Variants in BCO1 observed in about 807,000 individuals in gnomAD.
BCO1 encodes the protein beta-carotene oxygenase 1.
A neutral mutation model predicts 56.3 loss-of-function variants in BCO1; 54 were observed. The ratio of observed to expected loss-of-function variants is 0.96; its 90% CI spans 0.77 to 1.20. The LOEUF is 1.20. Ranked by LOEUF, BCO1 falls within the 50% of genes most tolerant of loss-of-function variation. The pLI is 0.00. For synonymous variants in BCO1, 318 were observed against 266.1 expected, an observed-to-expected ratio of 1.20 and a Z score of -1.90; for missense variants, 801 against 690.9, an observed-to-expected ratio of 1.16 and a Z score of -1.79.
chr16:81,256,116 G>A (rs1906120410), intron 2 of BCO1, among the ~76,000 whole-genome samples: 1 of 147,428 alleles, frequency 6.8e-6, no homozygotes, highest in South Asian at 2.1e-4. Context: ...GCGCATGGCC[G>A]ATTTTTTTTT....
chr16:81,267,589 G>C (rs968266553), intron 5 of BCO1, among the ~76,000 whole-genome samples: 1 of 152,136 alleles, frequency 6.6e-6, no homozygotes, highest in Non-Finnish European at 1.5e-5. Flanking sequence ...TTCCAGTCTG[G>C]GCAGCAGAGG....
At chr16:81,278,425 C>T (rs1051885302) in intron 7 of BCO1, among the ~76,000 whole-genome samples, 5 of 152,110 alleles carry the variant, frequency 3.3e-5, no homozygotes, top group African/African-American at 1.2e-4. Flanking sequence ...TTACAGCCAC[C>T]GTGCAAAACA....
At chr16:81,280,001 G>C (rs944035103) in intron 7 of BCO1, among the ~76,000 whole-genome samples, 2 of 151,882 alleles carry the variant, frequency 1.3e-5, no homozygotes, top group African/African-American at 4.8e-5. Context: ...GGTGGCTCAC[G>C]CCTGTAATCC....
At position 81,280,859 on chromosome 16, in the gene BCO1, T is replaced by A. The variant is rs1198889098; in HGVS notation, c.1104T>A (p.Asn368Lys). ...TTTTGAAAACTGAATTTTTTCAGAA[T>A]GCAGAAGTGGGCACAAATTTAATCA... ...RFAVPLHVDK[N>K]AEVGTNLIKV... The change falls in exon 8 of 11, where the codon AAT (asparagine) becomes AAA (lysine). Residue 368 changes from asparagine (N) to lysine (K), a missense_variant and splice_region_variant. Physicochemically the swap from Asn to Lys is moderately conservative, Grantham distance 94 (BLOSUM62 0). Coordinates refer to ENST00000258168, the MANE Select transcript of BCO1 (RefSeq NM_017429.3). 4 of 1,612,140 alleles carry A rather than the reference T, an allele frequency of 2.5e-6. No homozygotes were observed. Among genetic ancestry groups the A allele is most frequent in the Non-Finnish European group, 3.4e-6 (4 of 1,178,228 alleles).
intron 1 of BCO1, among the ~76,000 whole-genome samples, chr16:81,243,949 G>C (rs1288579965): frequency 6.6e-6 from 1 of 152,216 alleles, no homozygotes; most frequent in Non-Finnish European, 1.5e-5. Context: ...AAATCCTCTG[G>C]GTATGACGTA....
At chr16:81,267,479 G>T (rs1276793727) in intron 5 of BCO1, among the ~76,000 whole-genome samples, 1 of 152,190 alleles carries the variant, frequency 6.6e-6, no homozygotes, top group Non-Finnish European at 1.5e-5. Context: ...CAAGCATGGT[G>T]GCGTGAGCCT....
chr16:81,266,997 A>G (rs1263566607), intron 5 of BCO1, among the ~76,000 whole-genome samples: 1 of 152,218 alleles, frequency 6.6e-6, no homozygotes, highest in East Asian at 1.9e-4. Context: ...AGCCAGCCGT[A>G]GGCCTGGGTG....
At chr16:81,247,068 A>G (rs893239018) in intron 2 of BCO1, among the ~76,000 whole-genome samples, 1 of 152,136 alleles carries the variant, frequency 6.6e-6, no homozygotes, top group Admixed American at 6.6e-5. Context: ...GCTGTTGGCC[A>G]TTGAGCCAGT....
rs923349443 is a variant in BCO1 at position 81,249,165 on chromosome 16, A to G, written c.193+3562A>G. Among the ~76,000 whole-genome samples, 13 of 145,386 alleles carry G rather than the reference A, an allele frequency of 8.9e-5. 1 individual carries two copies. The South Asian group carries it at 2.1e-3, about 24-fold the overall frequency. ...GAGTGTGGTGGCGCAATCTCGGCTC[A>G]CTGCAACCTTCGCCTTCCAGGTTCA... On this transcript the variant is annotated intron_variant, in intron 2 of 10. Coordinates refer to ENST00000258168, the MANE Select transcript of BCO1 (RefSeq NM_017429.3).
chr16:81,267,247 C>T (rs1304724517), intron 5 of BCO1, among the ~76,000 whole-genome samples: 1 of 152,148 alleles, frequency 6.6e-6, no homozygotes, highest in Non-Finnish European at 1.5e-5. Context: ...TAGCCCATTC[C>T]ACTAAGCCTC....
Position 81,275,520 on chromosome 16 carries a change from C to T in BCO1, c.1101+5104C>T, listed in dbSNP as rs1204647081. On this transcript the variant is annotated intron_variant, in intron 7 of 10. Coordinates refer to ENST00000258168, the MANE Select transcript of BCO1 (RefSeq NM_017429.3). ...CAACATTTATCTCAAGTGTAAGTAA[C>T]TTGTTCATTTCCCTCTTCCTGTTCA... Among the ~76,000 whole-genome samples the T allele has an allele frequency of 2.6e-5, 4 of 152,250 alleles. No individual in the cohort carries two copies. The East Asian group carries it at 5.8e-4, about 22-fold the overall frequency.
intron 2 of BCO1, among the ~76,000 whole-genome samples, chr16:81,254,374 C>G (rs1597351837): frequency 1.5e-5 from 2 of 132,106 alleles, no homozygotes; most frequent in East Asian, 4.8e-4. Flanking sequence ...TGGTCTCGAA[C>G]TCCTGACCTC....
rs747755655 is a variant in BCO1 at position 81,281,011 on chromosome 16, C to G, written c.1207+49C>G. 3.6e-6 allele frequency: 5 copies of G among 1,377,770 alleles called. No individual in the cohort carries two copies. In the African/African-American group the frequency reaches 7.1e-5, roughly 20 times the overall value. 85.3% of individuals were successfully genotyped at this position (1,377,770 alleles called of 1,614,324 possible). A position where few individuals can be genotyped will look rare whatever the true frequency, so the allele number is the denominator to read the frequency against. ...AGTTTAGGAAAGGGGCAGATTTTCA[C>G]AGGGAGCCCAGAGGCCTCTTTACAT... On this transcript the variant is annotated intron_variant, in intron 8 of 10. Transcript: ENST00000258168.
Position 81,265,969 on chromosome 16 carries a change from A to G in BCO1, c.619+1182A>G, listed in dbSNP as rs144444820. Reference sequence around the variant, plus strand: ...CTCACCATCCTTCCATCCACCATCTATCCATCCACCCACCATCCATCTGTC... The same window carrying G: ...CTCACCATCCTTCCATCCACCATCTGTCCATCCACCCACCATCCATCTGTC... On this transcript the variant is annotated intron_variant, in intron 5 of 10. Transcript: ENST00000258168. 4.4e-4 allele frequency among the ~76,000 whole-genome samples: 67 copies of G among 151,426 alleles called. 2 individuals carry two copies. The highest frequency in any genetic ancestry group is 4.3e-3 in the East Asian group (22 of 5,114).
intron 3 of BCO1, among the ~76,000 whole-genome samples, chr16:81,260,063 C>G (rs905657559): frequency 6.6e-6 from 1 of 152,134 alleles, no homozygotes; most frequent in Non-Finnish European, 1.5e-5. Flanking sequence ...ATTATAAATG[C>G]GTATTCCCTT....
intron 8 of BCO1, among the ~76,000 whole-genome samples, chr16:81,284,905 C>T (rs1908089083): frequency 6.6e-6 from 1 of 150,464 alleles, no homozygotes; most frequent in South Asian, 2.1e-4. Context: ...GGCACGATCT[C>T]GGCTCACTGC....
intron 6 of BCO1, 59 bp downstream of exon 6, chr16:81,268,190 T>A: frequency 6.7e-7 from 1 of 1,496,378 alleles, no homozygotes; most frequent in Non-Finnish European, 9.2e-7. Flanking sequence ...GGGAGGCTGG[T>A]GTGCAGGAGG....
In BCO1 at chr16:81,239,637, G is replaced by A. The variant is rs540018030; in HGVS notation, c.64+665G>A. 5.9e-5 allele frequency among the ~76,000 whole-genome samples: 9 copies of A among 152,218 alleles called. No individual in the cohort carries two copies. The South Asian group carries it at 1.0e-3, about 18-fold the overall frequency. ...TTAGTTTCAAAATGCTTAGAGGGGC[G>A]TGCATGAGCTCCCACGCATGCACAT... On this transcript the variant is annotated intron_variant, in intron 1 of 10. Coordinates refer to ENST00000258168, the MANE Select transcript of BCO1 (RefSeq NM_017429.3).
intron 7 of BCO1, among the ~76,000 whole-genome samples, chr16:81,280,506 G>A (rs1432639302): frequency 6.6e-6 from 1 of 151,966 alleles, no homozygotes; most frequent in African/African-American, 2.4e-5. Flanking sequence ...TCCTTTTAAC[G>A]ACTGATGCAG....
Sources: gnomAD v4.1 joint callset for allele counts (sites outside exome capture counted in the v4.1 genomes callset) on GRCh38, gnomAD v4.1.1 for gene constraint, MANE v1.5 for transcripts, NCBI Gene and HGNC (gene_info 2026-07-23, HGNC 2026-07-21) for gene names.